The following RANBP2 variants were observed in gnomAD, a reference collection of about 807,000 sequenced individuals.
RANBP2 encodes RAN binding protein 2, also known as E3 SUMO-protein ligase RanBP2.
RANBP2 carries 57 observed loss-of-function variants against 303.6 expected under a neutral mutation model. That is an observed-to-expected ratio of 0.19 (90% CI 0.15 to 0.23). RANBP2 has a LOEUF of 0.23. Among genes scored for constraint, RANBP2 ranks in the 10% least tolerant of loss-of-function variants. The pLI is 1.00. For synonymous variants in RANBP2, 1,167 were observed against 1,301.5 expected, an observed-to-expected ratio of 0.90 and a Z score of 2.23; for missense variants, 3,138 against 3,780.8, an observed-to-expected ratio of 0.83 and a Z score of 4.46.
At chr2:109,420,155 T>C in the RANBP2 span, among the ~76,000 whole-genome samples, 2 of 152,246 alleles carry the variant, frequency 1.3e-5, no homozygotes, top group South Asian at 4.1e-4. Flanking sequence ...GTGAGATGTT[T>C]ATCTTGTTTA....
intron 2 of RANBP2, among the ~76,000 whole-genome samples, chr2:108,729,866 C>G (rs552647544): frequency 0.013 from 1,903 of 152,108 alleles, 49 homozygotes; most frequent in African/African-American, 0.044. Flanking sequence ...GATACAGATG[C>G]GCACCACCAC....
At chr2:109,580,298 C>G in the RANBP2 span, among the ~76,000 whole-genome samples, 8 of 149,316 alleles carry the variant, frequency 5.4e-5, no homozygotes, top group Non-Finnish European at 1.0e-4. Flanking sequence ...GTTACTCTAA[C>G]TCACCTTACT....
the RANBP2 span, chr2:109,437,250 GCTGGTGGC>G: frequency 7.0e-7 from 1 of 1,437,780 alleles, no homozygotes; most frequent in Admixed American, 2.8e-5. Flanking sequence ...TGCATGTGTG[GCTGGTGGC>G]AGCTTCATGG....
the RANBP2 span, chr2:108,798,593 A>G: frequency 2.9e-5 from 46 of 1,572,766 alleles, no homozygotes; most frequent in Admixed American, 8.0e-4. Context: ...AGAGGTAACT[A>G]TATAGCCTTT....
the RANBP2 span, among the ~76,000 whole-genome samples, chr2:109,335,731 C>T: frequency 1.4e-4 from 21 of 152,294 alleles, no homozygotes; most frequent in Admixed American, 7.8e-4. Flanking sequence ...ACGCCAGAAC[C>T]GCACCCCACA....
At chr2:109,719,175 C>T in the RANBP2 span, among the ~76,000 whole-genome samples, 5 of 148,796 alleles carry the variant, frequency 3.4e-5, no homozygotes, top group Non-Finnish European at 7.4e-5. Flanking sequence ...GGGCTCACCG[C>T]AACCTCCGCC....
the RANBP2 span, among the ~76,000 whole-genome samples, chr2:108,838,012 G>A: frequency 6.6e-6 from 1 of 151,940 alleles, no homozygotes; most frequent in Non-Finnish European, 1.5e-5. Flanking sequence ...CTTTATTGTG[G>A]TTTCCACATG....
the RANBP2 span, among the ~76,000 whole-genome samples, chr2:109,285,451 G>A: frequency 3.9e-5 from 6 of 152,364 alleles, no homozygotes; most frequent in Admixed American, 3.9e-4. Flanking sequence ...TGCCTGCTGT[G>A]CCGTGCGTTT....
chr2:109,462,787 C>A, the RANBP2 span, among the ~76,000 whole-genome samples: 1 of 152,120 alleles, frequency 6.6e-6, no homozygotes, highest in African/African-American at 2.4e-5. Flanking sequence ...GGTTCAGGGC[C>A]ATACTTGAAC....
the RANBP2 span, among the ~76,000 whole-genome samples, chr2:109,419,991 G>T: frequency 7.2e-5 from 11 of 152,218 alleles, no homozygotes; most frequent in African/African-American, 2.7e-4. Context: ...GGAAGCAGGT[G>T]CGCAGAGCAG....
chr2:109,446,846 G>A, the RANBP2 span, among the ~76,000 whole-genome samples: 24 of 152,134 alleles, frequency 1.6e-4, no homozygotes, highest in African/African-American at 5.8e-4. Context: ...GGCCAGCCAC[G>A]CACAGCCCAG....
chr2:109,433,934 A>G, the RANBP2 span, among the ~76,000 whole-genome samples: 1 of 152,224 alleles, frequency 6.6e-6, no homozygotes, highest in African/African-American at 2.4e-5. Context: ...TTAGAGGGTG[A>G]GCTGCCCACA....
At chr2:108,734,985 G>T (rs1051744662) in intron 4 of RANBP2, among the ~76,000 whole-genome samples, 3 of 152,134 alleles carry the variant, frequency 2.0e-5, no homozygotes, top group African/African-American at 7.2e-5. Flanking sequence ...AATGAGAAGT[G>T]AGTGGCCACA....
chr2:108,748,910 T>C lies in RANBP2; in HGVS notation c.1064-10T>C, dbSNP rs773339378. ...TAAAGTGATGGAAATAACTTAAATT[T>C]TTTTTTCAGGGCACATGTTGCTAAA... is the stretch of plus-strand genomic sequence containing the variant. On this transcript the variant is annotated splice_polypyrimidine_tract_variant and intron_variant, in intron 8 of 28. Coordinates refer to ENST00000283195, the MANE Select transcript of RANBP2 (RefSeq NM_006267.5). 7 of 1,611,974 alleles carry C rather than the reference T, an allele frequency of 4.3e-6. 1 individual carries two copies. In the South Asian group the frequency reaches 7.7e-5, roughly 18 times the overall value.
the RANBP2 span, among the ~76,000 whole-genome samples, chr2:108,916,314 G>A: frequency 8.5e-5 from 13 of 152,234 alleles, no homozygotes; most frequent in African/African-American, 2.4e-4. Flanking sequence ...CCTTCCTGTC[G>A]GGGCTCGCAG....
At chr2:109,355,613 G>T in the RANBP2 span, among the ~76,000 whole-genome samples, 5 of 152,322 alleles carry the variant, frequency 3.3e-5, no homozygotes, top group South Asian at 2.1e-4. Flanking sequence ...CACAGGTGTT[G>T]TCCCTGTATG....
chr2:109,425,918 G>A, the RANBP2 span, among the ~76,000 whole-genome samples: 1 of 151,740 alleles, frequency 6.6e-6, no homozygotes, highest in Admixed American at 6.6e-5. Flanking sequence ...TTTTTCTTGA[G>A]ATGGAGTTTC....
chr2:108,908,570 C>T, the RANBP2 span, among the ~76,000 whole-genome samples: 2 of 152,070 alleles, frequency 1.3e-5, no homozygotes, highest in African/African-American at 4.8e-5. Context: ...GGGGGTGGCA[C>T]AGCAAGCCCC....
chr2:108,745,463 T>C (rs1573748885), intron 7 of RANBP2, among the ~76,000 whole-genome samples: 1 of 148,892 alleles, frequency 6.7e-6, no homozygotes, highest in East Asian at 1.9e-4. Context: ...GGTACTTCCT[T>C]ATATAGAATA....
Sources: gnomAD v4.1 joint callset for allele counts (sites outside exome capture counted in the v4.1 genomes callset) on GRCh38, gnomAD v4.1.1 for gene constraint, MANE v1.5 for transcripts, NCBI Gene and HGNC (gene_info 2026-07-23, HGNC 2026-07-21) for gene names.